EFCAB7: variants seen among roughly 807,000 people sequenced by gnomAD.
EFCAB7 encodes the protein EF-hand calcium-binding domain-containing protein 7.
A neutral mutation model predicts 77.1 loss-of-function variants in EFCAB7; 66 were observed. That is an observed-to-expected ratio of 0.86 (90% CI 0.70 to 1.05). The LOEUF is 1.05. Ranked by LOEUF, EFCAB7 falls within the 50% of genes least tolerant of loss-of-function variation. EFCAB7 has a pLI of 0.00. For synonymous variants in EFCAB7, 225 were observed against 243.3 expected, an observed-to-expected ratio of 0.92 and a Z score of 0.70; for missense variants, 638 against 730.5, an observed-to-expected ratio of 0.87 and a Z score of 1.46.
the EFCAB7 span, among the ~76,000 whole-genome samples, chr1:63,582,323 T>G: frequency 6.6e-6 from 1 of 152,198 alleles, no homozygotes; most frequent in Non-Finnish European, 1.5e-5. Flanking sequence ...GTTGAATTGC[T>G]TGATATGCAT....
chr1:63,538,443 G>GT (rs1005244953), intron 6 of EFCAB7, among the ~76,000 whole-genome samples: 4 of 146,330 alleles, frequency 2.7e-5, no homozygotes, highest in African/African-American at 1.0e-4. Context: ...GTTTGAAAGG[G>GT]TATTTTTTTT....
At chr1:63,559,115 A>T (rs1647063643) in intron 10 of EFCAB7, among the ~76,000 whole-genome samples, 1 of 151,920 alleles carries the variant, frequency 6.6e-6, no homozygotes, top group Non-Finnish European at 1.5e-5. Flanking sequence ...CAGCTTGGCC[A>T]ACATGGTGAA....
intron 10 of EFCAB7, 107 bp downstream of exon 10, chr1:63,557,354 A>T (rs1647044921): frequency 9.3e-7 from 1 of 1,071,110 alleles, no homozygotes; most frequent in Non-Finnish European, 1.3e-6. Context: ...TTATTATAGC[A>T]TTTAGGACAG....
the EFCAB7 span, among the ~76,000 whole-genome samples, chr1:63,578,811 TTATA>T: frequency 4.6e-5 from 7 of 152,092 alleles, no homozygotes; most frequent in East Asian, 1.9e-4. Flanking sequence ...TAATTATTGC[TTATA>T]TAGAGGTGAA....
intron 11 of EFCAB7, among the ~76,000 whole-genome samples, chr1:63,562,448 TTTATATATATATATATATATATATATA>T (rs1557687198): frequency 0.069 from 3,093 of 44,890 alleles, 244 homozygotes; most frequent in African/African-American, 0.27. Flanking sequence ...TCTTAATTTA[TTTATATATATATATATATATATATATA>T]TATATATATA....
chr1:63,561,690 C>A lies in EFCAB7; in HGVS notation c.1349-19C>A. ...AATTTTTAAATTATGTAAGAAAAAA[C>A]TTTTGGTTGTTTAAACAGAGAATTT... On this transcript the variant is annotated intron_variant, in intron 10 of 13. Coordinates refer to ENST00000371088, the MANE Select transcript of EFCAB7 (RefSeq NM_032437.4). 1 of 1,535,870 alleles carries A rather than the reference C, an allele frequency of 6.5e-7. No individual in the cohort carries two copies. Among genetic ancestry groups the A allele is most frequent in the South Asian group, 1.3e-5 (1 of 78,364 alleles).
chr1:63,532,914 CTAAT>C, intron 4 of EFCAB7, among the ~76,000 whole-genome samples, 158 bp downstream of exon 4: 1 of 152,170 alleles, frequency 6.6e-6, no homozygotes. Context: ...AACATGTCAA[CTAAT>C]TAACATGTCA....
intron 8 of EFCAB7, among the ~76,000 whole-genome samples, chr1:63,554,548 C>T (rs1570423938): frequency 6.6e-6 from 1 of 152,268 alleles, no homozygotes; most frequent in East Asian, 1.9e-4. Flanking sequence ...CCAAGTTTAC[C>T]AGGCTGTTCT....
intron 2 of EFCAB7, 99 bp downstream of exon 2, chr1:63,525,858 G>A (rs1397714554): frequency 2.5e-6 from 2 of 797,060 alleles, no homozygotes; most frequent in East Asian, 5.9e-5. Context: ...AATCATCCCA[G>A]TTTCTTAGTG....
At chr1:63,580,563 T>C in the EFCAB7 span, among the ~76,000 whole-genome samples, 27,342 of 152,156 alleles carry the variant, frequency 0.18, 2,561 homozygotes, top group Middle Eastern at 0.26. Context: ...TTTTAGTTTC[T>C]TTCCCTTTTC....
intron 4 of EFCAB7, 85 bp from the exon 5 acceptor site, chr1:63,533,369 C>G (rs1353856284): frequency 1.0e-6 from 1 of 974,518 alleles, no homozygotes; most frequent in African/African-American, 1.7e-5. Context: ...CAGTCTGTTC[C>G]TTGCCTACTA....
the EFCAB7 span, among the ~76,000 whole-genome samples, chr1:63,583,649 T>C: frequency 6.6e-6 from 1 of 152,060 alleles, no homozygotes; most frequent in South Asian, 2.1e-4. Context: ...GTCAACGCTA[T>C]GGATGAGAAC....
chr1:63,536,337 T>C (rs1646762753), intron 6 of EFCAB7, among the ~76,000 whole-genome samples: 1 of 152,176 alleles, frequency 6.6e-6, no homozygotes, highest in Non-Finnish European at 1.5e-5. Context: ...TCTTTTGTTA[T>C]TCAGCAGCAT....
chr1:63,527,928 T>G (rs1178612636), intron 2 of EFCAB7: 1 of 152,174 alleles, frequency 6.6e-6, no homozygotes. Context: ...CATGTGGACT[T>G]CAAATGCTGG....
chr1:63,552,565 A>G (rs907997447), intron 8 of EFCAB7, among the ~76,000 whole-genome samples: 4 of 152,188 alleles, frequency 2.6e-5, no homozygotes, highest in Non-Finnish European at 5.9e-5. Context: ...ATGCTTTTAA[A>G]TGTTTTTATA....
At chr1:63,527,512 T>C (rs888164683) in intron 2 of EFCAB7, among the ~76,000 whole-genome samples, 1 of 12,556 alleles carries the variant, frequency 8.0e-5, no homozygotes, top group South Asian at 4.6e-3. Context: ...TTTTGTCAAT[T>C]TATAAATAAT....
rs539030564 is a variant in EFCAB7, at chr1:63,539,420, C to A, written c.804+5204C>A. On this transcript the variant is annotated intron_variant, in intron 6 of 13. Coordinates refer to ENST00000371088, the MANE Select transcript of EFCAB7 (RefSeq NM_032437.4). ...CTTAACCCTTAAAAGTATGGAATCC[C>A]GATTGATAATGCCTTACCATACTTT... Among the ~76,000 whole-genome samples, 11 of 152,088 alleles carry A rather than the reference C, an allele frequency of 7.2e-5. No homozygotes were observed. The East Asian group carries it at 2.1e-3, about 29-fold the overall frequency.
intron 11 of EFCAB7, among the ~76,000 whole-genome samples, chr1:63,565,256 G>A (rs12088098): frequency 0.16 from 23,941 of 152,060 alleles, 1,930 homozygotes; most frequent in Middle Eastern, 0.26. Flanking sequence ...CTACTCGGGA[G>A]GCTGAGGCAG....
chr1:63,562,494 T>TATATATATATATATAA (rs1647120028), intron 11 of EFCAB7, among the ~76,000 whole-genome samples: 1 of 102,122 alleles, frequency 9.8e-6, no homozygotes, highest in Admixed American at 9.8e-5. Context: ...TATATATATA[T>TATATATATATATATAA]AAAACTTTTT....
Sources: gnomAD v4.1 joint callset for allele counts (sites outside exome capture counted in the v4.1 genomes callset) on GRCh38, gnomAD v4.1.1 for gene constraint, MANE v1.5 for transcripts, NCBI Gene and HGNC (gene_info 2026-07-23, HGNC 2026-07-21) for gene names.